Variants in CSMD2 observed in about 807,000 individuals in gnomAD.
CSMD2 encodes the protein CUB and Sushi multiple domains 2.
CSMD2 carries 130 observed loss-of-function variants against 398.5 expected under a neutral mutation model. That is an observed-to-expected ratio of 0.33 (90% confidence interval 0.28 to 0.38). The LOEUF (loss-of-function observed/expected upper bound fraction) is 0.38. CSMD2 is among the 10% of genes least tolerant of loss of function. The pLI, the probability that CSMD2 is intolerant of heterozygous loss-of-function variation, is 1.00. For synonymous variants in CSMD2, 1,828 were observed against 1,908.5 expected (o/e 0.96, Z 1.10); for missense variants, 3,829 against 4,764.9 (o/e 0.80, Z 5.78).
At chr1:33,857,883 T>TC (rs766591255) in intron 5 of CSMD2, among the ~76,000 whole-genome samples, 2,814 of 152,314 alleles carry the variant, frequency 0.018, 33 homozygotes, top group Middle Eastern at 0.044. Context: ...AGGGCCACTC[T>TC]CCTATGCTAT....
At chr1:33,530,838 G>A (rs909413631) in intron 64 of CSMD2, among the ~76,000 whole-genome samples, 1 of 152,134 alleles carries the variant, frequency 6.6e-6, no homozygotes, top group African/African-American at 2.4e-5. Flanking sequence ...AAATAAGCCA[G>A]GTACGGTAAG....
intron 22 of CSMD2, among the ~76,000 whole-genome samples, chr1:33,708,591 C>CTTATTATTATTATTATTATTA (rs59695412): frequency 0.087 from 12,278 of 140,908 alleles, 665 homozygotes; most frequent in African/African-American, 0.11. Flanking sequence ...TCCAACCGAA[C>CTTATTATTATTATTATTATTA]TTATTATTAT....
At chr1:33,822,775 G>A (rs866239751) in intron 7 of CSMD2, among the ~76,000 whole-genome samples, 7 of 152,154 alleles carry the variant, frequency 4.6e-5, no homozygotes, top group Admixed American at 1.3e-4. Context: ...GAAGGAGGAG[G>A]AAGCCTGAGC....
At chr1:33,825,389 G>A (rs777631332) in intron 7 of CSMD2, among the ~76,000 whole-genome samples, 2 of 152,250 alleles carry the variant, frequency 1.3e-5, no homozygotes, top group Admixed American at 6.5e-5. Flanking sequence ...GCAGGTGGAA[G>A]TGATTCAAAA....
intron 20 of CSMD2, among the ~76,000 whole-genome samples, chr1:33,715,954 CA>C (rs1362514322): frequency 6.6e-6 from 1 of 150,808 alleles, no homozygotes; most frequent in East Asian, 1.9e-4. Context: ...GAAGTGGAAT[CA>C]GAAGAAAAAT....
At chr1:33,798,419 G>T (rs1655205744) in intron 10 of CSMD2, among the ~76,000 whole-genome samples, 1 of 152,212 alleles carries the variant, frequency 6.6e-6, no homozygotes, top group Admixed American at 6.5e-5. Context: ...CCAGGACATG[G>T]TGCTGATGGT....
intron 2 of CSMD2, among the ~76,000 whole-genome samples, chr1:34,063,353 A>G (rs1654737930): frequency 6.6e-6 from 1 of 152,358 alleles, no homozygotes; most frequent in African/African-American, 2.4e-5. Context: ...CTTTCTGCCT[A>G]TGAGCCTGTA....
At chr1:34,120,398 C>T (rs544035811) in intron 1 of CSMD2, among the ~76,000 whole-genome samples, 1 of 152,156 alleles carries the variant, frequency 6.6e-6, no homozygotes, top group Non-Finnish European at 1.5e-5. Flanking sequence ...ATAGTTAACA[C>T]TACTGTGCTG....
intron 56 of CSMD2, among the ~76,000 whole-genome samples, chr1:33,546,729 C>CTT (rs397782525): frequency 3.4e-5 from 5 of 147,410 alleles, no homozygotes; most frequent in East Asian, 4.0e-4. Flanking sequence ...ACCATCTGAC[C>CTT]TTTTTTTTTT....
intron 56 of CSMD2, among the ~76,000 whole-genome samples, chr1:33,549,287 G>A (rs1185052325): frequency 6.6e-6 from 1 of 152,142 alleles, no homozygotes; most frequent in Non-Finnish European, 1.5e-5. Context: ...GAAGGGTTAC[G>A]GGTTAATTTC....
At chr1:33,789,961 G>A (rs1273576406) in intron 11 of CSMD2, among the ~76,000 whole-genome samples, 1 of 152,150 alleles carries the variant, frequency 6.6e-6, no homozygotes, top group African/African-American at 2.4e-5. Context: ...AGCCTCTCTG[G>A]GCTTTTTCAC....
chr1:34,075,175 T>C (rs1170184627), intron 2 of CSMD2, among the ~76,000 whole-genome samples: 4 of 152,238 alleles, frequency 2.6e-5, no homozygotes, highest in Non-Finnish European at 5.9e-5. Flanking sequence ...CCGTTCAGTG[T>C]CCTCATTCCT....
At chr1:33,587,797 G>A (rs933623306) in intron 44 of CSMD2, among the ~76,000 whole-genome samples, 1 of 152,214 alleles carries the variant, frequency 6.6e-6, no homozygotes, top group Admixed American at 6.5e-5. Flanking sequence ...GATGATGCTA[G>A]AGGCAGGATG....
At chr1:34,094,802 T>G (rs1165211320) in intron 1 of CSMD2, among the ~76,000 whole-genome samples, 1 of 151,830 alleles carries the variant, frequency 6.6e-6, no homozygotes, top group Non-Finnish European at 1.5e-5. Context: ...TCCCACACAT[T>G]AATAATGGGA....
At chr1:33,581,509 G>A in intron 47 of CSMD2, among the ~76,000 whole-genome samples, 1 of 104,168 alleles carries the variant, frequency 9.6e-6, no homozygotes, top group South Asian at 3.1e-4. Flanking sequence ...CAGCCTGGGT[G>A]ACAGAGAAAG....
chr1:33,624,021 G>A lies in CSMD2; in HGVS notation c.5625+498C>T, dbSNP rs1641938006. Among the ~76,000 whole-genome samples, 1 of 152,322 alleles carries A rather than the reference G, an allele frequency of 6.6e-6. No individual in the cohort carries two copies. Among genetic ancestry groups the A allele is most frequent in the East Asian group, 1.9e-4 (1 of 5,188 alleles). ...TCAGCTTCTACAGCTCATGCTGTGC[G>A]TGGTTCCCTAGGTGTGTGCCTGGGG... On this transcript the variant is annotated intron_variant, in intron 35 of 70. Coordinates refer to ENST00000373381, the MANE Select transcript of CSMD2 (RefSeq NM_001281956.2). This position sits in a 1 kb window ranked among gnomAD's most constrained non-coding sequence, Gnocchi z 4.7.
chr1:33,725,244 T>C (rs1646490298), intron 17 of CSMD2, 105 bp downstream of exon 17: 3 of 938,244 alleles, frequency 3.2e-6, no homozygotes, highest in Admixed American at 2.1e-5. Flanking sequence ...AAGAACACCA[T>C]GGGGATGGGG....
In CSMD2 at chr1:33,636,547, C is replaced by T. The variant is rs781311207; in HGVS notation, c.4782G>A (p.Pro1594=). The part of the protein sequence containing the change: ...AGFVIDYTEN[P]RESCFDPGSI... ...AACCAGGATCAAAACATGACTCCCGCGGGTTTTCTGGGAAAAAGAAATACA... is the reference window on the plus strand; with the variant it reads ...AACCAGGATCAAAACATGACTCCCGTGGGTTTTCTGGGAAAAAGAAATACA... Residue 1594 remains proline (P), a synonymous_variant, in exon 30 of 71, where the codon CCG becomes CCA. Transcript: ENST00000373381. The surrounding 1 kb of genome is among the most constrained non-coding windows in gnomAD (Gnocchi z 4.8). 2.0e-5 allele frequency: 32 copies of T among 1,613,788 alleles called. No homozygotes were observed. Among genetic ancestry groups the T allele is most frequent in the South Asian group, 1.8e-4 (16 of 91,064 alleles).
At chr1:33,873,100 G>C (rs1051896269) in intron 5 of CSMD2, among the ~76,000 whole-genome samples, 2 of 152,178 alleles carry the variant, frequency 1.3e-5, no homozygotes, top group Non-Finnish European at 2.9e-5. Flanking sequence ...CAAATCTGTA[G>C]TAACAGTATT....
Sources: gnomAD v4.1 joint callset for allele counts (sites outside exome capture counted in the v4.1 genomes callset) on GRCh38, gnomAD v4.1.1 for gene constraint, Gnocchi (gnomAD v3.1) non-coding constraint, MANE v1.5 for transcripts, NCBI Gene and HGNC (gene_info 2026-07-23, HGNC 2026-07-21) for gene names.